The following RNF144A variants were observed in gnomAD, a reference collection of about 807,000 sequenced individuals.
The protein encoded by RNF144A is E3 ubiquitin-protein ligase RNF144A.
In RNF144A, 11 loss-of-function variants were observed where a neutral mutation model predicts 38.7. That is an observed-to-expected ratio of 0.28 (90% CI 0.18 to 0.47). RNF144A has a LOEUF of 0.47. Ranked by LOEUF, RNF144A falls within the 20% of genes least tolerant of loss-of-function variation. RNF144A has a pLI of 0.99. For missense variants in RNF144A, 316 were observed against 377.2 expected (o/e 0.84, Z 1.34); for synonymous variants, 149 against 143.9 (o/e 1.04, Z -0.25).
At chr2:7,014,921 C>T (rs1274533977) in intron 5 of RNF144A, 149 bp downstream of exon 5, 1 of 627,384 alleles carries the variant, frequency 1.6e-6, no homozygotes, top group Non-Finnish European at 2.8e-6. Context: ...ATTAAACTGA[C>T]ATTCTGGATT....
chr2:7,001,356 AAAATT>A (rs1373793403), intron 3 of RNF144A, among the ~76,000 whole-genome samples: 10 of 150,868 alleles, frequency 6.6e-5, no homozygotes, highest in African/African-American at 9.8e-5. Flanking sequence ...AAAATAAAAT[AAAATT>A]AAAATAAATA....
Position 7,043,612 on chromosome 2 carries a change from T to A in RNF144A, c.*3852T>A, listed in dbSNP as rs1286182033. On this transcript the variant is annotated 3_prime_UTR_variant, in exon 9 of 9. Coordinates refer to ENST00000320892, the MANE Select transcript of RNF144A (RefSeq NM_014746.6). ...GAAAATAAACAAAATGAAGGGATTA[T>A]GACAGGTATTACCAAAAACACCAAA... The A allele has an allele frequency of 1.0e-6, 1 of 985,634 alleles. No individual in the cohort carries two copies. The highest frequency in any genetic ancestry group is 1.1e-4 in the East Asian group (1 of 8,830). 61.1% of individuals were successfully genotyped at this position (985,634 alleles called of 1,614,324 possible).
At chr2:7,008,465 G>A (rs1670590662) in intron 3 of RNF144A, among the ~76,000 whole-genome samples, 1 of 152,158 alleles carries the variant, frequency 6.6e-6, no homozygotes, top group African/African-American at 2.4e-5. Flanking sequence ...TTCCTGCCCC[G>A]AGTGGGTTCT....
chr2:6,974,360 C>T (rs1668177459), intron 2 of RNF144A, among the ~76,000 whole-genome samples: 1 of 152,164 alleles, frequency 6.6e-6, no homozygotes, highest in Non-Finnish European at 1.5e-5. Context: ...TCTGCCGTTG[C>T]CGTGTCCGTG....
chr2:6,996,780 T>A, intron 2 of RNF144A, 136 bp from the exon 3 acceptor site: 1 of 839,150 alleles, frequency 1.2e-6, no homozygotes, highest in Non-Finnish European at 1.8e-6. Flanking sequence ...TCTCAGAACA[T>A]CCAGATGCTC....
intron 8 of RNF144A, among the ~76,000 whole-genome samples, chr2:7,039,423 G>GTGGA (rs1311922115): frequency 6.6e-6 from 1 of 151,770 alleles, no homozygotes; most frequent in African/African-American, 2.4e-5. Context: ...GGATGGGTAG[G>GTGGA]TGGATGGATG....
intron 6 of RNF144A, among the ~76,000 whole-genome samples, chr2:7,054,361 CAG>C (rs1673645265): frequency 2.0e-5 from 3 of 152,172 alleles, no homozygotes; most frequent in Admixed American, 6.5e-5. Flanking sequence ...TACATATACA[CAG>C]AGATATATAA....
chr2:7,002,045 C>T (rs1670142098), intron 3 of RNF144A, among the ~76,000 whole-genome samples: 1 of 152,094 alleles, frequency 6.6e-6, no homozygotes, highest in Non-Finnish European at 1.5e-5. Flanking sequence ...TTTGCAAGAT[C>T]ATTGACCTGG....
chr2:6,993,088 C>T (rs1403624179), intron 2 of RNF144A, among the ~76,000 whole-genome samples: 3 of 152,190 alleles, frequency 2.0e-5, no homozygotes, highest in Admixed American at 2.0e-4. Flanking sequence ...CATATTAAGG[C>T]CATCCTGTGT....
chr2:7,069,834 T>C (rs7568768), downstream of RNF144A, among the ~76,000 whole-genome samples: 43,950 of 152,116 alleles, frequency 0.29, 6,862 homozygotes, highest in East Asian at 0.49. Context: ...CTTAACACCC[T>C]AGAGATTAAC....
chr2:7,002,388 T>C (rs1670166983), intron 3 of RNF144A, among the ~76,000 whole-genome samples: 2 of 152,184 alleles, frequency 1.3e-5, no homozygotes, highest in African/African-American at 4.8e-5. Context: ...CTTGAAGGGC[T>C]AGATTTGCAG....
Position 7,032,968 on chromosome 2 carries a change from C to T in RNF144A, c.747+2753C>T, listed in dbSNP as rs548916844. ...TGACTGGGTGCTGACTCGGGGGACCCGGCATTTGCACAGCCACCGTGTGAG... is the reference window on the plus strand; with the variant it reads ...TGACTGGGTGCTGACTCGGGGGACCTGGCATTTGCACAGCCACCGTGTGAG... On this transcript the variant is annotated intron_variant, in intron 8 of 8. Transcript: ENST00000320892. Among the ~76,000 whole-genome samples the T allele has an allele frequency of 4.1e-3, 623 of 152,376 alleles. 6 individuals carry two copies. Among genetic ancestry groups the T allele is most frequent in the African/African-American group, 0.014 (590 of 41,590 alleles).
chr2:7,010,476 C>T (rs1203845872), intron 3 of RNF144A, among the ~76,000 whole-genome samples: 1 of 152,184 alleles, frequency 6.6e-6, no homozygotes, highest in Non-Finnish European at 1.5e-5. Context: ...TTAGGATCAT[C>T]AGTAGCCAGC....
chr2:6,967,811 C>CT (rs1005946661), intron 2 of RNF144A, among the ~76,000 whole-genome samples: 10 of 151,292 alleles, frequency 6.6e-5, no homozygotes, highest in Admixed American at 3.3e-4. Context: ...CCATAGACTC[C>CT]TTTTTTTTTA....
At chr2:6,976,814 C>T (rs1668346000) in intron 2 of RNF144A, among the ~76,000 whole-genome samples, 2 of 151,936 alleles carry the variant, frequency 1.3e-5, no homozygotes, top group South Asian at 2.1e-4. Flanking sequence ...GCTTACTTTT[C>T]ACCTACCAAA....
At chr2:6,959,159 C>T (rs558521804) in intron 2 of RNF144A, among the ~76,000 whole-genome samples, 3 of 152,284 alleles carry the variant, frequency 2.0e-5, no homozygotes, top group Admixed American at 2.0e-4. Flanking sequence ...GGCTGGTGAT[C>T]TGATACATCA....
chr2:6,984,011 C>T (rs934143473), intron 2 of RNF144A, among the ~76,000 whole-genome samples: 1 of 152,194 alleles, frequency 6.6e-6, no homozygotes, highest in African/African-American at 2.4e-5. Flanking sequence ...GGACAATCCC[C>T]ATCTTGTCTG....
In RNF144A at chr2:6,960,757, T is replaced by A. The variant is rs1219979756; in HGVS notation, c.-12+19610T>A. The stretch of plus-strand genomic sequence containing the variant: ...ACATGGGTTCCCCGGTGTGGAGGTA[T>A]GAGAGTTCTTTTCTCCTTCACCGCA... On this transcript the variant is annotated intron_variant, in intron 2 of 8. Coordinates refer to ENST00000320892, the MANE Select transcript of RNF144A (RefSeq NM_014746.6). Among the ~76,000 whole-genome samples the A allele has an allele frequency of 2.0e-5, 3 of 152,218 alleles. No individual in the cohort carries two copies. In the East Asian group the frequency reaches 5.8e-4, roughly 29 times the overall value.
chr2:6,979,705 A>G (rs1460584141), intron 2 of RNF144A, among the ~76,000 whole-genome samples: 2 of 152,202 alleles, frequency 1.3e-5, no homozygotes, highest in Non-Finnish European at 2.9e-5. Context: ...GGGGTTCATA[A>G]GTTGAGAGAC....
Sources: gnomAD v4.1 joint callset for allele counts (sites outside exome capture counted in the v4.1 genomes callset) on GRCh38, gnomAD v4.1.1 for gene constraint, MANE v1.5 for transcripts, NCBI Gene and HGNC (gene_info 2026-07-23, HGNC 2026-07-21) for gene names.